ERC2: variants seen among roughly 807,000 people sequenced by gnomAD.
ERC2 encodes the protein ERC protein 2.
ERC2 carries 42 observed loss-of-function variants against 114.8 expected under a neutral mutation model. The ratio of observed to expected loss-of-function variants is 0.37; its 90% confidence interval spans 0.29 to 0.47. The LOEUF is 0.47. Ranked by LOEUF, ERC2 falls within the 20% of genes least tolerant of loss-of-function variation. The pLI, the probability that ERC2 is intolerant of heterozygous loss-of-function variation, is 0.99. For synonymous variants in ERC2, 454 were observed against 425.5 expected (o/e 1.07, Z -0.82); for missense variants, 939 against 1,150.7 (o/e 0.82, Z 2.66).
intron 17 of ERC2, among the ~76,000 whole-genome samples, chr3:55,559,149 C>T (rs2055832237): frequency 6.6e-6 from 1 of 152,210 alleles, no homozygotes; most frequent in African/African-American, 2.4e-5. Flanking sequence ...CTCCCTTAAA[C>T]CAGTCCAGCA....
intron 1 of ERC2, among the ~76,000 whole-genome samples, chr3:56,457,686 C>G (rs867137241): frequency 6.6e-5 from 10 of 152,266 alleles, no homozygotes; most frequent in Non-Finnish European, 2.9e-5. Flanking sequence ...CTGAGCCAAG[C>G]TAAACTCCAG....
chr3:55,594,319 C>A (rs2058036326), intron 17 of ERC2, among the ~76,000 whole-genome samples: 1 of 152,106 alleles, frequency 6.6e-6, no homozygotes, highest in Non-Finnish European at 1.5e-5. Flanking sequence ...CACTGTTTAA[C>A]TTTTTAGAAG....
chr3:56,413,146 A>G (rs1218569596), intron 2 of ERC2, among the ~76,000 whole-genome samples: 1 of 152,186 alleles, frequency 6.6e-6, no homozygotes, highest in Non-Finnish European at 1.5e-5. Flanking sequence ...CAAAAGGCCC[A>G]CAGCTGTGCC....
At chr3:55,655,563 T>C (rs1002267551) in intron 17 of ERC2, among the ~76,000 whole-genome samples, 1 of 152,232 alleles carries the variant, frequency 6.6e-6, no homozygotes, top group Non-Finnish European at 1.5e-5. Context: ...CATGTGGGGC[T>C]GAAGCTGACT....
intron 7 of ERC2, among the ~76,000 whole-genome samples, chr3:56,046,039 C>G (rs1432148060): frequency 6.6e-6 from 1 of 152,156 alleles, no homozygotes; most frequent in African/African-American, 2.4e-5. Context: ...AGTGCTGACA[C>G]AGTAGATCCA....
At chr3:56,359,057 T>C (rs1327213387) in intron 2 of ERC2, among the ~76,000 whole-genome samples, 1 of 152,232 alleles carries the variant, frequency 6.6e-6, no homozygotes, top group African/African-American at 2.4e-5. Flanking sequence ...GAAATGTATT[T>C]TAACATGTGT....
intron 3 of ERC2, among the ~76,000 whole-genome samples, chr3:56,189,941 A>T (rs1171075059): frequency 6.6e-6 from 1 of 152,242 alleles, no homozygotes; most frequent in Non-Finnish European, 1.5e-5. Context: ...GACTGACATA[A>T]GTGACAACAC....
chr3:55,647,027 C>T (rs1329507596), intron 17 of ERC2: 1 of 152,160 alleles, frequency 6.6e-6, no homozygotes, highest in Non-Finnish European at 1.5e-5. Context: ...AAGAAGCCTG[C>T]CCAGTTCACC....
chr3:55,925,880 G>T (rs2065718261), intron 13 of ERC2, among the ~76,000 whole-genome samples: 1 of 152,140 alleles, frequency 6.6e-6, no homozygotes, highest in Admixed American at 6.5e-5. Flanking sequence ...AATACACAAA[G>T]CTATAAAATG....
At position 56,132,568 on chromosome 3, in the gene ERC2, C is replaced by T. The variant is rs76885078; in HGVS notation, c.1473+6941G>A. Among the ~76,000 whole-genome samples the T allele has an allele frequency of 0.014, 2,138 of 152,248 alleles. 75 individuals carry two copies. In the East Asian group the frequency reaches 0.15, roughly 11 times the overall value. ...AGGAGAATGGTGTGAACCCAGGAGG[C>T]GGAGCTTGCAGTGAGCTGAGATCAC... On this transcript the variant is annotated intron_variant, in intron 6 of 17. Coordinates refer to ENST00000288221, the MANE Select transcript of ERC2 (RefSeq NM_015576.3).
intron 17 of ERC2, among the ~76,000 whole-genome samples, chr3:55,675,768 T>A (rs1290567342): frequency 2.6e-5 from 4 of 152,084 alleles, no homozygotes; most frequent in Admixed American, 2.6e-4. Flanking sequence ...TACCTTCTGG[T>A]CTCCCTGAAA....
chr3:55,845,897 C>A (rs1170528433), intron 14 of ERC2, among the ~76,000 whole-genome samples: 3 of 152,222 alleles, frequency 2.0e-5, no homozygotes, highest in African/African-American at 7.2e-5. Context: ...AATATATTAG[C>A]AAACACCACT....
At chr3:55,619,505 C>T (rs781240823) in intron 17 of ERC2, among the ~76,000 whole-genome samples, 12 of 152,112 alleles carry the variant, frequency 7.9e-5, no homozygotes, top group African/African-American at 2.4e-4. Flanking sequence ...TCTTCCACAT[C>T]GTAAGGCACA....
At chr3:55,787,032 C>T (rs7641404) in intron 14 of ERC2, among the ~76,000 whole-genome samples, 11,301 of 152,158 alleles carry the variant, frequency 0.074, 713 homozygotes, top group African/African-American at 0.17. Flanking sequence ...GTTTTAATAC[C>T]AGCTTTCCTA....
intron 11 of ERC2, among the ~76,000 whole-genome samples, chr3:55,987,222 G>A (rs2149516252): frequency 6.6e-6 from 1 of 152,320 alleles, no homozygotes; most frequent in African/African-American, 2.4e-5. Context: ...TGAGAGTTAT[G>A]TCAGGACACG....
At chr3:55,566,280 T>C (rs2056367497) in intron 17 of ERC2, among the ~76,000 whole-genome samples, 1 of 152,220 alleles carries the variant, frequency 6.6e-6, no homozygotes, top group Admixed American at 6.5e-5. Flanking sequence ...AAAATGTTTT[T>C]ACACACGTAC....
chr3:55,927,575 T>C (rs1408681773), intron 13 of ERC2, among the ~76,000 whole-genome samples: 1 of 152,224 alleles, frequency 6.6e-6, no homozygotes, highest in East Asian at 1.9e-4. Context: ...ACCTCAAGCA[T>C]TTATCCTTTC....
intron 2 of ERC2, among the ~76,000 whole-genome samples, chr3:56,397,369 G>T (rs56171355): frequency 6.7e-6 from 1 of 150,280 alleles, no homozygotes; most frequent in South Asian, 2.1e-4. Flanking sequence ...AAAAAAAGAA[G>T]AAGAAGAATT....
At chr3:55,514,253 C>A (rs1478353709) in intron 17 of ERC2, among the ~76,000 whole-genome samples, 1 of 151,988 alleles carries the variant, frequency 6.6e-6, no homozygotes, top group Non-Finnish European at 1.5e-5. Context: ...TAAAAATTAG[C>A]TGGGTGTGGT....
Sources: gnomAD v4.1 joint callset for allele counts (sites outside exome capture counted in the v4.1 genomes callset) on GRCh38, gnomAD v4.1.1 for gene constraint, MANE v1.5 for transcripts, NCBI Gene and HGNC (gene_info 2026-07-23, HGNC 2026-07-21) for gene names.